The following A1CF variants were observed in gnomAD, a reference collection of about 807,000 sequenced individuals.
The protein encoded by A1CF is APOBEC-1 stimulating protein.
Under a neutral mutation model 68.9 loss-of-function variants are expected in A1CF, and 48 were observed. The ratio of observed to expected loss-of-function variants is 0.70; its 90% confidence interval spans 0.55 to 0.89. The LOEUF (loss-of-function observed/expected upper bound fraction) is 0.89. A1CF is among the 40% of genes least tolerant of loss of function. A1CF has a pLI of 0.00. For missense variants in A1CF, 653 were observed against 718.9 expected (o/e 0.91, Z 1.05); for synonymous variants, 272 against 260.4 (o/e 1.04, Z -0.43).
At position 50,813,868 on chromosome 10, in the gene A1CF, G is replaced by A. The variant is rs761585151; in HGVS notation, c.1312C>T (p.Leu438Phe). 6.2e-7 allele frequency: 1 copy of A among 1,613,688 alleles called. No individual in the cohort carries two copies. The highest frequency in any genetic ancestry group is 8.5e-7 in the Non-Finnish European group (1 of 1,179,694). ...ATAACATTACCTACCTGGGGAGCGA[G>A]TTTAATTCCTTGGGGTTTTAATGTG... ...PVTLKPQGIK[L>F]APQILEEICQ... is the part of the protein sequence containing the mutation. Residue 438 changes from leucine (L) to phenylalanine (F), a missense_variant, in exon 10 of 13, where the codon CTC becomes TTC. By Grantham distance (22) the Leu-to-Phe change is conservative. Coordinates refer to ENST00000373997, the MANE Select transcript of A1CF (RefSeq NM_014576.4).
chr10:50,837,556 TAA>T (rs1839561624), intron 5 of A1CF, among the ~76,000 whole-genome samples: 1 of 152,186 alleles, frequency 6.6e-6, no homozygotes, highest in African/African-American at 2.4e-5. Flanking sequence ...TACCTCACGG[TAA>T]AGAACTGGTT....
chr10:50,836,657 T>G (rs1001735515), intron 5 of A1CF, among the ~76,000 whole-genome samples: 1 of 150,962 alleles, frequency 6.6e-6, no homozygotes, highest in Non-Finnish European at 1.5e-5. Flanking sequence ...GTCATTTGCA[T>G]TAGGTATATC....
chr10:50,872,007 AATAG>A lies in A1CF; in HGVS notation c.-93-7931_-93-7928del, dbSNP rs561144491. Reference sequence around the variant, plus strand: ...GGAAGAGAATAATTGTTATTTATATAATAGATAGAGAAATATTATCTGTAATATA... The same window carrying A: ...GGAAGAGAATAATTGTTATTTATATAATAGAGAAATATTATCTGTAATATA... On this transcript the variant is annotated intron_variant, in intron 1 of 12. Transcript: ENST00000373997. Among the ~76,000 whole-genome samples the A allele has an allele frequency of 4.0e-3, 607 of 152,220 alleles. 1 individual carries two copies. The highest frequency in any genetic ancestry group is 6.8e-3 in the Non-Finnish European group (464 of 67,966).
At chr10:50,853,114 A>AT (rs1330465563) in intron 3 of A1CF, among the ~76,000 whole-genome samples, 2 of 152,080 alleles carry the variant, frequency 1.3e-5, no homozygotes, top group East Asian at 3.9e-4. Flanking sequence ...TGAATACTGT[A>AT]TTTTGTTCCT....
chr10:50,877,904 C>T (rs1162860626), intron 1 of A1CF, among the ~76,000 whole-genome samples: 1 of 152,162 alleles, frequency 6.6e-6, no homozygotes. Context: ...AGGAGGATCA[C>T]GAGGTCAGGA....
At chr10:50,834,328 G>A (rs919090686) in intron 6 of A1CF, among the ~76,000 whole-genome samples, 2 of 152,186 alleles carry the variant, frequency 1.3e-5, no homozygotes, top group Non-Finnish European at 2.9e-5. Context: ...ACTAATTCGG[G>A]CTGGAATACT....
chr10:50,860,153 A>C (rs1224928457), intron 2 of A1CF, among the ~76,000 whole-genome samples, 168 bp from the exon 3 acceptor site: 3 of 152,172 alleles, frequency 2.0e-5, no homozygotes, highest in Admixed American at 2.0e-4. Flanking sequence ...CTTAAAAAAA[A>C]ACTTTTAAAA....
chr10:50,820,031 G>A (rs1437101952), intron 8 of A1CF, among the ~76,000 whole-genome samples: 1 of 152,094 alleles, frequency 6.6e-6, no homozygotes. Context: ...TTATTGGCTT[G>A]ATATATAAAT....
Position 50,816,255 on chromosome 10 carries a change from C to T in A1CF, c.892G>A (p.Val298Ile). 1 of 1,613,406 alleles carries T rather than the reference C, an allele frequency of 6.2e-7. No individual in the cohort carries two copies. The highest frequency in any genetic ancestry group is 8.5e-7 in the Non-Finnish European group (1 of 1,179,648). ...GKVLDGSPIEVTLAKPVDKDS... is the reference protein window; with the variant it reads ...GKVLDGSPIEITLAKPVDKDS... ...TTGTCCACTGGTTTTGCTAGGGTGA[C>T]TTCAATGGGGGAACCATCCAGCACC... The change falls in exon 9 of 13, where the codon GTC becomes ATC. Residue 298 changes from valine to isoleucine, a missense_variant. Transcript: ENST00000373997.
At chr10:50,876,826 T>A (rs1841535551) in intron 1 of A1CF, among the ~76,000 whole-genome samples, 1 of 152,234 alleles carries the variant, frequency 6.6e-6, no homozygotes, top group East Asian at 1.9e-4. Context: ...TGTGTAGACT[T>A]ACATATTTAT....
rs1333282815 is a variant in A1CF, at chr10:50,803,749, G to A, written c.*2980C>T. On this transcript the variant is annotated 3_prime_UTR_variant, in exon 13 of 13. Coordinates refer to ENST00000373997, the MANE Select transcript of A1CF (RefSeq NM_014576.4). ...GAGAACTAATTCAAATTTACTGGAT[G>A]TTCCTAAATTATTGTTTTGTTATTA... The A allele has an allele frequency of 1.3e-5, 2 of 152,126 alleles. No individual in the cohort carries two copies. Among genetic ancestry groups the A allele is most frequent in the African/African-American group, 4.8e-5 (2 of 41,414 alleles). The allele number at this position is 152,126 out of a possible 1,614,324, so 9.4% of individuals were successfully genotyped here. A position where few individuals can be genotyped will look rare whatever the true frequency, so the allele number is the denominator to read the frequency against.
intron 2 of A1CF, among the ~76,000 whole-genome samples, chr10:50,861,148 G>C (rs553555318): frequency 6.6e-6 from 1 of 152,110 alleles, no homozygotes; most frequent in East Asian, 1.9e-4. Flanking sequence ...GTGAAAATTT[G>C]GGTGAAAGAA....
intron 1 of A1CF, among the ~76,000 whole-genome samples, chr10:50,875,200 A>G (rs1841454600): frequency 6.6e-6 from 1 of 152,240 alleles, no homozygotes; most frequent in South Asian, 2.1e-4. Context: ...ATTTTCTCTA[A>G]TAATTGTTTT....
chr10:50,866,084 A>T (rs1840976134), intron 1 of A1CF, among the ~76,000 whole-genome samples: 1 of 152,226 alleles, frequency 6.6e-6, no homozygotes, highest in Non-Finnish European at 1.5e-5. Flanking sequence ...CTGAATTGAA[A>T]GTCCTAATAC....
chr10:50,824,247 G>T (rs1443523146), intron 7 of A1CF: 1 of 152,072 alleles, frequency 6.6e-6, no homozygotes, highest in Non-Finnish European at 1.5e-5. Flanking sequence ...TAATTAGTAG[G>T]ATCCGGGCAC....
chr10:50,806,703 T>G lies in A1CF; in HGVS notation c.*26A>C. 4 of 1,565,482 alleles carry G rather than the reference T, an allele frequency of 2.6e-6. No individual in the cohort carries two copies. The highest frequency in any genetic ancestry group is 3.4e-6 in the Non-Finnish European group (4 of 1,160,334). ...TTTTTTTAATAGAGTTTTGTGTGTC[T>G]TATTCTTAAATTTAAAAAAGCATCT... is the stretch of plus-strand genomic sequence containing the variant. On this transcript the variant is annotated 3_prime_UTR_variant, in exon 13 of 13. Coordinates refer to ENST00000373997, the MANE Select transcript of A1CF (RefSeq NM_014576.4).
chr10:50,819,686 C>T (rs1838552306), intron 8 of A1CF, among the ~76,000 whole-genome samples: 1 of 152,176 alleles, frequency 6.6e-6, no homozygotes, highest in Non-Finnish European at 1.5e-5. Flanking sequence ...CCACATTTTC[C>T]TGTTCTCCAA....
At chr10:50,817,108 T>C (rs560944932) in intron 8 of A1CF, among the ~76,000 whole-genome samples, 3 of 152,328 alleles carry the variant, frequency 2.0e-5, no homozygotes, top group Non-Finnish European at 4.4e-5. Context: ...TGTATGTAGA[T>C]CTACGTGTGC....
At chr10:50,854,974 C>G (rs763433499) in intron 3 of A1CF, among the ~76,000 whole-genome samples, 1 of 151,576 alleles carries the variant, frequency 6.6e-6, no homozygotes, top group Non-Finnish European at 1.5e-5. Context: ...TATAATGAGT[C>G]TATTTTTAAA....
Sources: gnomAD v4.1 joint callset for allele counts (sites outside exome capture counted in the v4.1 genomes callset) on GRCh38, gnomAD v4.1.1 for gene constraint, MANE v1.5 for transcripts, NCBI Gene and HGNC (gene_info 2026-07-23, HGNC 2026-07-21) for gene names.